The following CTNNA2 variants were observed in gnomAD, a reference collection of about 807,000 sequenced individuals.
CTNNA2 encodes catenin alpha-2.
A neutral mutation model predicts 101.0 loss-of-function variants in CTNNA2; 42 were observed. The observed-to-expected ratio is 0.42, with a 90% CI of 0.32 to 0.54. The LOEUF (loss-of-function observed/expected upper bound fraction) is 0.54. CTNNA2 is among the 20% of genes least tolerant of loss of function. CTNNA2 has a pLI of 0.14. For synonymous variants in CTNNA2, 450 were observed against 456.4 expected (o/e 0.99, Z 0.18); for missense variants, 871 against 1,223.1 (o/e 0.71, Z 4.29).
At chr2:80,454,605 C>T (rs1237573387) in intron 9 of CTNNA2, among the ~76,000 whole-genome samples, 1 of 152,144 alleles carries the variant, frequency 6.6e-6, no homozygotes, top group Non-Finnish European at 1.5e-5. Context: ...TTAGGTTCTG[C>T]CAGGGAGATA....
At chr2:80,552,977 G>T (rs1692706589) in intron 11 of CTNNA2, among the ~76,000 whole-genome samples, 2 of 151,620 alleles carry the variant, frequency 1.3e-5, no homozygotes, top group Non-Finnish European at 2.9e-5. Context: ...AGCACTTTGG[G>T]AGGCCAAGGC....
chr2:79,290,114 C>T (rs996909097), intron 2 of CTNNA2, among the ~76,000 whole-genome samples: 1 of 152,100 alleles, frequency 6.6e-6, no homozygotes, highest in Non-Finnish European at 1.5e-5. Context: ...AAGTTTACAC[C>T]GTAGGCTCTT....
chr2:79,197,334 A>G (rs980215971), intron 1 of CTNNA2, among the ~76,000 whole-genome samples: 3 of 151,946 alleles, frequency 2.0e-5, no homozygotes, highest in Non-Finnish European at 2.9e-5. Context: ...GGAGCTAACA[A>G]AAGGTGTAGC....
At chr2:79,968,398 G>A (rs902199107) in intron 7 of CTNNA2, among the ~76,000 whole-genome samples, 1 of 152,076 alleles carries the variant, frequency 6.6e-6, no homozygotes, top group Non-Finnish European at 1.5e-5. Context: ...TTTTAAAATA[G>A]GCTGAGTGCA....
intron 9 of CTNNA2, among the ~76,000 whole-genome samples, chr2:80,495,388 C>A (rs1170216330): frequency 6.6e-6 from 1 of 152,118 alleles, no homozygotes; most frequent in Non-Finnish European, 1.5e-5. Context: ...TCTTCTGTCT[C>A]TTAAAGCGCT....
At chr2:79,842,206 T>G (rs1679872513) in intron 3 of CTNNA2, among the ~76,000 whole-genome samples, 1 of 152,238 alleles carries the variant, frequency 6.6e-6, no homozygotes, top group African/African-American at 2.4e-5. Flanking sequence ...TGTTGGCATA[T>G]AACCATGTGT....
intron 7 of CTNNA2, among the ~76,000 whole-genome samples, chr2:79,936,086 A>G (rs927629611): frequency 6.6e-6 from 1 of 152,258 alleles, no homozygotes; most frequent in Non-Finnish European, 1.5e-5. Flanking sequence ...ATAAGACATC[A>G]GAGTCAAAGA....
chr2:79,648,795 G>C (rs531720574), intron 1 of CTNNA2, among the ~76,000 whole-genome samples: 1 of 152,220 alleles, frequency 6.6e-6, no homozygotes, highest in African/African-American at 2.4e-5. Context: ...AAAGATTATG[G>C]GGTAGAGACA....
chr2:79,695,956 AC>A (rs1256963048), intron 2 of CTNNA2, among the ~76,000 whole-genome samples: 1 of 151,928 alleles, frequency 6.6e-6, no homozygotes, highest in East Asian at 1.9e-4. Context: ...TGATGGCTAA[AC>A]TTTTATTTTT....
chr2:79,537,600 A>G (rs1024174666), intron 1 of CTNNA2, among the ~76,000 whole-genome samples: 2 of 152,176 alleles, frequency 1.3e-5, no homozygotes, highest in Admixed American at 1.3e-4. Context: ...CCGTCTTGGT[A>G]ATCAGTTTTC....
intron 2 of CTNNA2, among the ~76,000 whole-genome samples, chr2:79,226,388 C>T (rs1451421680): frequency 1.3e-5 from 2 of 152,042 alleles, no homozygotes; most frequent in African/African-American, 2.4e-5. Context: ...TGCACAAGGT[C>T]GTGTATGTAA....
intron 1 of CTNNA2, among the ~76,000 whole-genome samples, chr2:79,546,701 C>G (rs1023194103): frequency 1.3e-5 from 2 of 152,040 alleles, no homozygotes; most frequent in African/African-American, 4.8e-5. Context: ...ACCAACTGTC[C>G]CCAGGGGTGG....
intron 3 of CTNNA2, among the ~76,000 whole-genome samples, chr2:79,338,860 G>T (rs1304753146): frequency 6.6e-6 from 1 of 152,104 alleles, no homozygotes; most frequent in Admixed American, 6.6e-5. Context: ...TGTGAAAGAT[G>T]ATTCCATAAT....
chr2:79,413,415 T>C (rs1220766199), intron 4 of CTNNA2, among the ~76,000 whole-genome samples: 1 of 152,090 alleles, frequency 6.6e-6, no homozygotes, highest in Non-Finnish European at 1.5e-5. Flanking sequence ...TGTGGCTGAA[T>C]AGTATTCCAC....
chr2:79,677,069 A>G lies in CTNNA2; in HGVS notation c.102+25411A>G, dbSNP rs560423058. Among the ~76,000 whole-genome samples the G allele has an allele frequency of 4.9e-4, 75 of 152,266 alleles. No homozygotes were observed. In the South Asian group the frequency reaches 0.014, roughly 28 times the overall value. On this transcript the variant is annotated intron_variant, in intron 2 of 18. Transcript: ENST00000402739. ...CTCAGCCTCCTGAGTACCTGGAACT[A>G]CATCACCACACCCAACTAACTTTTG...
intron 9 of CTNNA2, among the ~76,000 whole-genome samples, chr2:80,542,875 T>C (rs1029130596): frequency 9.2e-6 from 1 of 108,598 alleles, no homozygotes; most frequent in Non-Finnish European, 1.9e-5. Context: ...TATCCTGATT[T>C]TTTCCCCCCC....
intron 3 of CTNNA2, among the ~76,000 whole-genome samples, chr2:79,763,921 G>C (rs1672967452): frequency 6.6e-6 from 1 of 152,186 alleles, no homozygotes; most frequent in African/African-American, 2.4e-5. Context: ...AAAAGCTTTT[G>C]TTGGCCATGT....
chr2:80,500,814 A>G (rs1687823387), intron 9 of CTNNA2, among the ~76,000 whole-genome samples: 1 of 152,188 alleles, frequency 6.6e-6, no homozygotes, highest in Admixed American at 6.5e-5. Flanking sequence ...TTGTTTTGCA[A>G]TATACATTTT....
intron 12 of CTNNA2, among the ~76,000 whole-genome samples, chr2:80,559,579 G>A (rs1480524021): frequency 2.0e-5 from 3 of 152,094 alleles, no homozygotes; most frequent in Non-Finnish European, 2.9e-5. Context: ...AGAAAATTTT[G>A]TAGATTATTA....
Sources: allele counts gnomAD v4.1 joint callset (sites outside exome capture counted in the v4.1 genomes callset), GRCh38; gene constraint gnomAD v4.1.1; transcripts MANE v1.5; gene names NCBI Gene and HGNC (gene_info 2026-07-23, HGNC 2026-07-21).